INTS1: variants seen among roughly 807,000 people sequenced by gnomAD.
The protein encoded by INTS1 is integrator complex subunit 1.
In INTS1, 137 loss-of-function variants were observed where a neutral mutation model predicts 241.6. The ratio of observed to expected loss-of-function variants is 0.57; its 90% CI spans 0.49 to 0.65. The LOEUF is 0.65. Among genes scored for constraint, INTS1 ranks in the 30% least tolerant of loss-of-function variants. INTS1 has a pLI of 0.00. For missense variants in INTS1, 3,073 were observed against 3,032.2 expected (o/e 1.01, Z -0.32); for synonymous variants, 1,692 against 1,337.8 (o/e 1.26, Z -5.78).
rs1781881832 is a variant in INTS1 at position 1,479,324 on chromosome 7, G to GAGACCCA, written c.4329+99_4329+105dup. On this transcript the variant is annotated intron_variant, in intron 31 of 47. Coordinates refer to ENST00000404767, the MANE Select transcript of INTS1 (RefSeq NM_001080453.3). ...CACTGTCCTTTCTCACTTGGAAACT[G>GAGACCCA]AGACCCAAGACCCACAGAGGAGCAG... 10 of 1,313,738 alleles carry GAGACCCA rather than the reference G, an allele frequency of 7.6e-6. No individual in the cohort carries two copies. The East Asian group carries it at 1.8e-4, about 24-fold the overall frequency. The allele number at this position is 1,313,738 out of a possible 1,614,324, so 81.4% of individuals were successfully genotyped here. A position where few individuals can be genotyped will look rare whatever the true frequency, so the allele number is the denominator to read the frequency against.
rs1193409495 is a variant in INTS1 at position 1,478,250 on chromosome 7, T to A, written c.4630+116A>T. On this transcript the variant is annotated intron_variant, in intron 33 of 47. Coordinates refer to ENST00000404767, the MANE Select transcript of INTS1 (RefSeq NM_001080453.3). ...TGGGAGGGGACCTCTGTGGGCACTT[T>A]CCGGGGACAGTGCTGAGCAGACACT... 3 of 1,215,886 alleles carry A rather than the reference T, an allele frequency of 2.5e-6. No homozygotes were observed. In the East Asian group the frequency reaches 7.5e-5, roughly 30 times the overall value. The allele number at this position is 1,215,886 out of a possible 1,614,324, so 75.3% of individuals were successfully genotyped here. A position where few individuals can be genotyped will look rare whatever the true frequency, so the allele number is the denominator to read the frequency against.
rs1193344368 is a variant in INTS1 at position 1,476,451 on chromosome 7, C to G, written c.5156G>C (p.Arg1719Pro). The change falls in exon 38 of 48, where the codon CGG (arginine) becomes CCG (proline). Residue 1719 changes from arginine (R) to proline (P), a missense_variant. Arg to Pro is a moderately radical substitution (Grantham distance 103, BLOSUM62 -2). Transcript: ENST00000404767. ...GACCCGCAGCACCAGCTCCTCCCGC[C>G]GCTTCTGTAACGGGTGCCTGCATCA... ...QGRDQRTPQKRREELVLRVQG... is the reference protein window; with the variant it reads ...QGRDQRTPQKPREELVLRVQG... 3.2e-6 allele frequency: 5 copies of G among 1,571,668 alleles called. No homozygotes were observed. Among genetic ancestry groups the G allele is most frequent in the Non-Finnish European group, 4.3e-6 (5 of 1,163,006 alleles).
Position 1,498,700 on chromosome 7 carries a change from C to CA in INTS1, c.1283+6dup, listed in dbSNP as rs1782986765. The CA allele has an allele frequency of 6.5e-7, 1 of 1,550,188 alleles. No individual in the cohort carries two copies. Among genetic ancestry groups the CA allele is most frequent in the African/African-American group, 1.4e-5 (1 of 72,788 alleles). On this transcript the variant is annotated splice_region_variant and intron_variant, in intron 9 of 47. Transcript: ENST00000404767. ...GCACCCCCGCTCTGCCCCGGCTCGC[C>CA]ACGCACCTGATGCACAGCATGAAGT...
chr7:1,493,620 G>A lies in INTS1; in HGVS notation c.2068+134C>T. On this transcript the variant is annotated intron_variant, in intron 15 of 47. Transcript: ENST00000404767. This position sits in a 1 kb window ranked among gnomAD's most constrained non-coding sequence, Gnocchi z 5.3. ...AGATGTGGAGAAGGCAGGTCCCCGA[G>A]CCTCCCGGGGACCCAGGACCCAGCT... is the stretch of plus-strand genomic sequence containing the variant. 8.3e-7 allele frequency: 1 copy of A among 1,205,488 alleles called. No individual in the cohort carries two copies. Among genetic ancestry groups the A allele is most frequent in the South Asian group, 1.7e-5 (1 of 59,844 alleles). 74.7% of individuals were successfully genotyped at this position (1,205,488 alleles called of 1,614,324 possible).
At chr7:1,486,839 G>A (rs1261051283) in intron 21 of INTS1, 65 bp from the exon 22 acceptor site, 30 of 1,596,824 alleles carry the variant, frequency 1.9e-5, no homozygotes, top group South Asian at 4.4e-5. Context: ...CGTGGGGTGC[G>A]CGGCTGGTGG....
In INTS1 at chr7:1,470,429, G is replaced by A. The variant is rs1781399725; in HGVS notation, c.*148C>T. On this transcript the variant is annotated 3_prime_UTR_variant, in exon 48 of 48. Transcript: ENST00000404767. ...GCCCGGAGCCACCCCAGGGCTCGGA[G>A]TATTGCTCCTGGGCCTGCCTGGCCT... 1 of 588,844 alleles carries A rather than the reference G, an allele frequency of 1.7e-6. No homozygotes were observed. The highest frequency in any genetic ancestry group is 2.9e-6 in the Non-Finnish European group (1 of 349,888). The allele number at this position is 588,844 out of a possible 1,614,324, so 36.5% of individuals were successfully genotyped here.
chr7:1,479,659 CG>C lies in INTS1; in HGVS notation c.4099del (p.Arg1367GlyfsTer56). On this transcript the variant is annotated frameshift_variant, in exon 31 of 48. Coordinates refer to ENST00000404767, the MANE Select transcript of INTS1 (RefSeq NM_001080453.3). LOFTEE classifies it high-confidence loss of function. ...GGGGCGGGGACTGGAGCTCTGCCAC[CG>C]AGGGTCCGGGCTGAGCGGGAAAATC... is the stretch of plus-strand genomic sequence containing the variant. ...LQIFPLSPDP[R>X]WQSSSPRPVA... 6.7e-7 allele frequency: 1 copy of C among 1,490,392 alleles called. No individual in the cohort carries two copies. Among genetic ancestry groups the C allele is most frequent in the Non-Finnish European group, 9.0e-7 (1 of 1,117,228 alleles). 92.3% of individuals were successfully genotyped at this position (1,490,392 alleles called of 1,614,324 possible).
At position 1,471,223 on chromosome 7, in the gene INTS1, G is replaced by A. The variant is rs1394906709; in HGVS notation, c.6257C>T (p.Thr2086Ile). ...RRPEILSFFS[T>I]NLQRLMSSAE... ...CGAGCTCATCAGCCGCTGCAGGTTG[G>A]TCTGACCGGGGGAAAGGTGGGAGGT... Residue 2086 changes from threonine (T) to isoleucine (I), a missense_variant and splice_region_variant, in exon 46 of 48, where the codon ACC (threonine) becomes ATC (isoleucine). Physicochemically the swap from Thr to Ile is moderately conservative, Grantham distance 89. Coordinates refer to ENST00000404767, the MANE Select transcript of INTS1 (RefSeq NM_001080453.3). 4 of 1,574,620 alleles carry A rather than the reference G, an allele frequency of 2.5e-6. No individual in the cohort carries two copies. The East Asian group carries it at 9.4e-5, about 37-fold the overall frequency.
chr7:1,490,180 G>A (rs1212163734), intron 16 of INTS1, among the ~76,000 whole-genome samples: 1 of 152,252 alleles, frequency 6.6e-6, no homozygotes, highest in Non-Finnish European at 1.5e-5. Flanking sequence ...AGCACCTGCC[G>A]AAGGAGAGAG....
intron 46 of INTS1, 78 bp downstream of exon 46, chr7:1,471,055 C>T: frequency 6.6e-7 from 1 of 1,514,304 alleles, no homozygotes; most frequent in Non-Finnish European, 9.0e-7. Flanking sequence ...CTGGTCTGGC[C>T]ACCAGGCGGG....
rs1210255359 is a variant in INTS1 at position 1,503,994 on chromosome 7, G to A, written c.-34C>T. On this transcript the variant is annotated 5_prime_UTR_variant, in exon 2 of 48. Transcript: ENST00000404767. ...GTCCCTCGCGGCTCCCGGCGGCTGC[G>A]GCGTCACCTGCGGAGGAGCCAGCGT... 6.6e-7 allele frequency: 1 copy of A among 1,512,808 alleles called. No individual in the cohort carries two copies. Among genetic ancestry groups the A allele is most frequent in the South Asian group, 1.2e-5 (1 of 82,088 alleles). 93.7% of individuals were successfully genotyped at this position (1,512,808 alleles called of 1,614,324 possible).
chr7:1,476,180 C>A, intron 38 of INTS1, 49 bp downstream of exon 38: 2 of 1,532,908 alleles, frequency 1.3e-6, no homozygotes, highest in Non-Finnish European at 8.8e-7. Flanking sequence ...CCTCGACCCC[C>A]TCCATGGCTC....
rs377622377 is a variant in INTS1, at chr7:1,496,215, A to G, written c.1652T>C (p.Leu551Pro). The G allele has an allele frequency of 1.2e-6, 2 of 1,613,836 alleles. No homozygotes were observed. Among genetic ancestry groups the G allele is most frequent in the Non-Finnish European group, 8.5e-7 (1 of 1,179,818 alleles). ...CTCCTTCACCTGCGCTGTGATGCCCAGCATCATGGACACGGCCAGGACGTC... is the reference window on the plus strand; with the variant it reads ...CTCCTTCACCTGCGCTGTGATGCCCGGCATCATGGACACGGCCAGGACGTC... The part of the protein sequence containing the change: ...ITDVLAVSMM[L>P]GITAQVKEAG... The change falls in exon 12 of 48, where the codon CTG (leucine) becomes CCG (proline). Residue 551 changes from leucine (L) to proline (P), a missense_variant. Leu to Pro is a moderately conservative substitution (Grantham distance 98). Coordinates refer to ENST00000404767, the MANE Select transcript of INTS1 (RefSeq NM_001080453.3).
chr7:1,487,147 C>T (rs1782310212), intron 20 of INTS1, 46 bp from the exon 21 acceptor site: 8 of 1,530,642 alleles, frequency 5.2e-6, no homozygotes, highest in Admixed American at 4.0e-5. Flanking sequence ...CCAGGCCCAA[C>T]ACCTGCCGCC....
chr7:1,483,881 G>T, intron 25 of INTS1, 28 bp from the exon 26 acceptor site: 1 of 1,599,858 alleles, frequency 6.3e-7, no homozygotes, highest in Non-Finnish European at 8.6e-7. Context: ...GAGTCAGGCC[G>T]TAAGGTTCAG....
chr7:1,496,510 C>T (rs1191244784), intron 11 of INTS1, among the ~76,000 whole-genome samples: 3 of 152,086 alleles, frequency 2.0e-5, no homozygotes, highest in African/African-American at 2.4e-5. Context: ...TCCACAAACA[C>T]GTGGGTGCAG....
chr7:1,498,992 A>G lies in INTS1; in HGVS notation c.1120T>C (p.Trp374Arg). 3.2e-6 allele frequency: 4 copies of G among 1,266,596 alleles called. No individual in the cohort carries two copies. Among genetic ancestry groups the G allele is most frequent in the Non-Finnish European group, 4.1e-6 (4 of 978,966 alleles). The allele number at this position is 1,266,596 out of a possible 1,614,324, so 78.5% of individuals were successfully genotyped here. Residue 374 changes from tryptophan (W) to arginine (R), a missense_variant, in exon 8 of 48, where the codon TGG becomes CGG. By Grantham distance (101) the Trp-to-Arg change is moderately radical (BLOSUM62 -3). Transcript: ENST00000404767. ...CCCCGCACCTTGGGGTTCTGCAGCC[A>G]CATCTCCAGCTTCTGCACCGCCAGC... Reference protein sequence around the residue: ...RLLAVQKLEMWLQNPKLTRPA... With the variant: ...RLLAVQKLEMRLQNPKLTRPA...
chr7:1,473,506 C>T (rs1781570246), intron 42 of INTS1, 60 bp downstream of exon 42: 1 of 1,543,884 alleles, frequency 6.5e-7, no homozygotes, highest in African/African-American at 1.4e-5. Flanking sequence ...GAACACCCTC[C>T]AGACCCCGCT....
At position 1,473,143 on chromosome 7, in the gene INTS1, G is replaced by A. The variant is rs932787920; in HGVS notation, c.5999C>T (p.Ser2000Phe). ...GGGCAGGCTGAGCCCTGCAAGGAGG[G>A]ATTTCAGCATCACCAGGTCACTGTT... ...FDNSDLVMLK[S>F]LLAGLSLPSR... The change falls in exon 43 of 48, where the codon TCC becomes TTC. Residue 2000 changes from serine (S) to phenylalanine (F), a missense_variant. Ser to Phe is a radical substitution (Grantham distance 155, BLOSUM62 -2). Coordinates refer to ENST00000404767, the MANE Select transcript of INTS1 (RefSeq NM_001080453.3). The A allele has an allele frequency of 3.1e-6, 5 of 1,612,240 alleles. No individual in the cohort carries two copies. Among genetic ancestry groups the A allele is most frequent in the East Asian group, 2.2e-5 (1 of 44,864 alleles).
Sources: gnomAD v4.1 joint callset for allele counts (sites outside exome capture counted in the v4.1 genomes callset) on GRCh38, gnomAD v4.1.1 for gene constraint, Gnocchi (gnomAD v3.1) non-coding constraint, MANE v1.5 for transcripts, NCBI Gene and HGNC (gene_info 2026-07-23, HGNC 2026-07-21) for gene names.